CAMK4: variants seen among roughly 807,000 people sequenced by gnomAD.
The protein encoded by CAMK4 is calcium/calmodulin-dependent protein kinase type IV.
A neutral mutation model predicts 44.9 loss-of-function variants in CAMK4; 22 were observed. The ratio of observed to expected loss-of-function variants is 0.49; its 90% CI spans 0.35 to 0.70. The LOEUF (loss-of-function observed/expected upper bound fraction) is 0.70. CAMK4 is among the 30% of genes least tolerant of loss of function. The probability of loss-of-function intolerance (pLI) is 0.01; values close to 1 mark genes in which losing one functional copy is unlikely to be tolerated. For missense variants in CAMK4, 498 were observed against 586.8 expected, an observed-to-expected ratio of 0.85 and a Z score of 1.56; for synonymous variants, 218 against 215.4, an observed-to-expected ratio of 1.01 and a Z score of -0.11.
At chr5:111,458,016 C>T (rs1480540800) in intron 7 of CAMK4, among the ~76,000 whole-genome samples, 1 of 152,124 alleles carries the variant, frequency 6.6e-6, no homozygotes, top group East Asian at 1.9e-4. Context: ...TCCTGTGTGG[C>T]TTTTGGACAA....
chr5:111,355,546 C>T (rs1166805770), intron 2 of CAMK4, among the ~76,000 whole-genome samples: 1 of 141,546 alleles, frequency 7.1e-6, no homozygotes, highest in East Asian at 2.0e-4. Flanking sequence ...TACATGTGCA[C>T]AATGTGCAGG....
At chr5:111,289,477 T>C (rs775491975) in intron 1 of CAMK4, among the ~76,000 whole-genome samples, 2 of 152,228 alleles carry the variant, frequency 1.3e-5, no homozygotes, top group Non-Finnish European at 2.9e-5. Context: ...CCCTTCAGTG[T>C]AGTGGCCTGT....
At chr5:111,297,238 T>C (rs1487305392) in intron 1 of CAMK4, among the ~76,000 whole-genome samples, 1 of 152,242 alleles carries the variant, frequency 6.6e-6, no homozygotes, top group Non-Finnish European at 1.5e-5. Context: ...TGAAATCCAA[T>C]GGAAAACAAT....
intron 1 of CAMK4, among the ~76,000 whole-genome samples, chr5:111,236,579 C>T (rs974774811): frequency 2.6e-5 from 4 of 152,224 alleles, no homozygotes; most frequent in Non-Finnish European, 4.4e-5. Flanking sequence ...CTTGGCTGCA[C>T]AGATGCCTCA....
chr5:111,477,581 C>G (rs1273190536), intron 8 of CAMK4, among the ~76,000 whole-genome samples: 2 of 152,170 alleles, frequency 1.3e-5, no homozygotes, highest in East Asian at 1.9e-4. Flanking sequence ...ACAAACAACT[C>G]GCTTTTCCTT....
chr5:111,351,268 G>T (rs1750091993), intron 2 of CAMK4, among the ~76,000 whole-genome samples: 1 of 152,120 alleles, frequency 6.6e-6, no homozygotes, highest in African/African-American at 2.4e-5. Context: ...TAGATGTACT[G>T]TATTAACTGG....
At chr5:111,422,552 A>G (rs1046550351) in intron 5 of CAMK4, among the ~76,000 whole-genome samples, 7 of 152,200 alleles carry the variant, frequency 4.6e-5, no homozygotes, top group African/African-American at 1.7e-4. Context: ...ACAAACGTCC[A>G]CTAATTTAAG....
chr5:111,374,846 T>C lies in CAMK4; in HGVS notation c.241-4T>C. ...CAGTTTATCTCTTTTATTTTGCCTT[T>C]TAGGTGGACAAAAAAATCGTAAGAA... On this transcript the variant is annotated splice_polypyrimidine_tract_variant and splice_region_variant and intron_variant, in intron 2 of 10. Coordinates refer to ENST00000282356, the MANE Select transcript of CAMK4 (RefSeq NM_001744.6). 6.2e-7 allele frequency: 1 copy of C among 1,602,670 alleles called. No individual in the cohort carries two copies. The highest frequency in any genetic ancestry group is 8.5e-7 in the Non-Finnish European group (1 of 1,170,050).
chr5:111,431,679 A>T (rs1753447514), intron 5 of CAMK4, among the ~76,000 whole-genome samples: 1 of 152,164 alleles, frequency 6.6e-6, no homozygotes, highest in Non-Finnish European at 1.5e-5. Flanking sequence ...AAATCTAATA[A>T]TCTGATGAAA....
chr5:111,453,460 G>T (rs1754303992), intron 7 of CAMK4, among the ~76,000 whole-genome samples: 2 of 152,124 alleles, frequency 1.3e-5, no homozygotes, highest in South Asian at 2.1e-4. Flanking sequence ...TCATCAGTCT[G>T]GCATGTATCT....
intron 1 of CAMK4, among the ~76,000 whole-genome samples, chr5:111,288,422 A>G (rs1462129988): frequency 2.6e-5 from 4 of 152,200 alleles, no homozygotes; most frequent in Admixed American, 2.0e-4. Context: ...TTACAGTACC[A>G]CCAATAGTGT....
rs1755928830 is a variant in CAMK4 at position 111,493,374 on chromosome 5, T to G, written c.*8908T>G. On this transcript the variant is annotated 3_prime_UTR_variant, in exon 11 of 11. Coordinates refer to ENST00000282356, the MANE Select transcript of CAMK4 (RefSeq NM_001744.6). The surrounding 1 kb of genome is among the most constrained non-coding windows in gnomAD (Gnocchi z 4.1). Reference sequence around the variant, plus strand: ...AGTAAATGATAGTATGACAGATAATTTCAAGTTTTCCAAGACTCCAATTTC... The same window carrying G: ...AGTAAATGATAGTATGACAGATAATGTCAAGTTTTCCAAGACTCCAATTTC... 6.6e-6 allele frequency: 1 copy of G among 152,134 alleles called. No individual in the cohort carries two copies. Among genetic ancestry groups the G allele is most frequent in the Admixed American group, 6.5e-5 (1 of 15,270 alleles). The allele number at this position is 152,134 out of a possible 1,614,324, so 9.4% of individuals were successfully genotyped here.
rs1561518754 is a variant in CAMK4 at position 111,486,541 on chromosome 5, A to ATGTG, written c.*2075_*2076insTGTG. The stretch of plus-strand genomic sequence containing the variant: ...CACACACACACACACACACACACAC[A>ATGTG]CGTGTTGGAAGAGCAAAGAGAGGGA... On this transcript the variant is annotated 3_prime_UTR_variant, in exon 11 of 11. Coordinates refer to ENST00000282356, the MANE Select transcript of CAMK4 (RefSeq NM_001744.6). 15 of 135,518 alleles carry ATGTG rather than the reference A, an allele frequency of 1.1e-4. No individual in the cohort carries two copies. The highest frequency in any genetic ancestry group is 4.3e-4 in the African/African-American group (14 of 32,252). The allele number at this position is 135,518 out of a possible 1,614,324, so 8.4% of individuals were successfully genotyped here.
intron 1 of CAMK4, chr5:111,265,945 A>G (rs544919945): frequency 2.6e-5 from 4 of 152,222 alleles, no homozygotes; most frequent in Non-Finnish European, 4.4e-5. Context: ...GAAAGGATCT[A>G]TGTCATGGAG....
intron 1 of CAMK4, among the ~76,000 whole-genome samples, chr5:111,246,468 AG>A (rs2112530217): frequency 6.6e-6 from 1 of 152,354 alleles, no homozygotes; most frequent in South Asian, 2.1e-4. Flanking sequence ...AAGTCACTAA[AG>A]TCCAGAACTT....
chr5:111,343,242 A>G (rs1362872533), intron 1 of CAMK4, among the ~76,000 whole-genome samples: 2 of 151,710 alleles, frequency 1.3e-5, no homozygotes, highest in Non-Finnish European at 2.9e-5. Flanking sequence ...CTCACTTGGA[A>G]TTTCAGGACC....
chr5:111,319,363 G>T (rs1326593800), intron 1 of CAMK4, among the ~76,000 whole-genome samples: 1 of 152,120 alleles, frequency 6.6e-6, no homozygotes, highest in African/African-American at 2.4e-5. Flanking sequence ...TTTTCCCTTT[G>T]TTAACTATGT....
intron 2 of CAMK4, among the ~76,000 whole-genome samples, chr5:111,370,672 T>C (rs753842961): frequency 1.3e-5 from 2 of 152,134 alleles, no homozygotes; most frequent in Non-Finnish European, 2.9e-5. Flanking sequence ...ATCCCAGCAC[T>C]TTGGGAGGCC....
chr5:111,303,233 A>C (rs306132), intron 1 of CAMK4, among the ~76,000 whole-genome samples: 1 of 120,708 alleles, frequency 8.3e-6, no homozygotes, highest in East Asian at 2.4e-4. Flanking sequence ...CAACGGAACA[A>C]AGCTGGATGG....
Sources: gnomAD v4.1 joint callset for allele counts (sites outside exome capture counted in the v4.1 genomes callset) on GRCh38, gnomAD v4.1.1 for gene constraint, Gnocchi (gnomAD v3.1) non-coding constraint, MANE v1.5 for transcripts, NCBI Gene and HGNC (gene_info 2026-07-23, HGNC 2026-07-21) for gene names.